NUMA1: variants seen among roughly 807,000 people sequenced by gnomAD.
The protein encoded by NUMA1 is nuclear mitotic apparatus protein 1, also known as SP-H antigen.
NUMA1 carries 62 observed loss-of-function variants against 237.1 expected under a neutral mutation model. That is an observed-to-expected ratio of 0.26 (90% CI 0.21 to 0.32). NUMA1 has a LOEUF of 0.32. Among genes scored for constraint, NUMA1 ranks in the 10% least tolerant of loss-of-function variants. The probability of loss-of-function intolerance (pLI) is 1.00; values close to 1 mark genes in which losing one functional copy is unlikely to be tolerated. For synonymous variants in NUMA1, 1,028 were observed against 1,066.1 expected (o/e 0.96, Z 0.70); for missense variants, 2,533 against 2,666.5 (o/e 0.95, Z 1.10).
At chr11:72,019,041 C>A in intron 9 of NUMA1, 61 bp from the exon 10 acceptor site, 1 of 1,586,286 alleles carries the variant, frequency 6.3e-7, no homozygotes, top group Non-Finnish European at 8.6e-7. Flanking sequence ...CAATCAGCAA[C>A]AGGCAGCAGT....
chr11:72,073,434 T>G (rs889742409), intron 1 of NUMA1, among the ~76,000 whole-genome samples: 5 of 152,086 alleles, frequency 3.3e-5, no homozygotes, highest in African/African-American at 1.2e-4. Flanking sequence ...GCTGCATTAG[T>G]AGAAGATGAC....
intron 16 of NUMA1, among the ~76,000 whole-genome samples, chr11:72,011,209 A>G (rs186100541): frequency 8.6e-4 from 131 of 152,220 alleles, no homozygotes; most frequent in Admixed American, 2.6e-3. Flanking sequence ...TGCAGCCGCA[A>G]CCTTCCCAGG....
chr11:72,003,901 G>A lies in NUMA1; in HGVS notation c.6322C>T (p.Arg2108Ter), dbSNP rs558707315. 1.5e-4 allele frequency: 238 copies of A among 1,613,670 alleles called. 1 individual carries two copies. The South Asian group carries it at 2.3e-3, about 15-fold the overall frequency. ...AGTGCCTCTACCTTGCCCTTGGCTC[G>A]AGGGGTGGCACCAATGGCGGCAGCA... ...ATAAAIGATP[R>*]AKGKAKH Residue 2108 changes from arginine (R) to a stop codon, truncating the protein, a stop_gained, in exon 26 of 27, where the codon CGA (arginine) becomes TGA (stop). Transcript: ENST00000393695. LOFTEE classifies it high-confidence loss of function.
At chr11:72,024,656 C>A in intron 4 of NUMA1, 1 of 382,418 alleles carries the variant, frequency 2.6e-6, no homozygotes, top group Non-Finnish European at 4.9e-6. Context: ...ACGGAGGCAG[C>A]ACAGATGAAC....
intron 2 of NUMA1, among the ~76,000 whole-genome samples, chr11:72,056,708 G>A (rs974053954): frequency 2.8e-5 from 4 of 145,220 alleles, no homozygotes; most frequent in African/African-American, 5.1e-5. Flanking sequence ...AGTTGGATGC[G>A]TCACATTTTT....
intron 2 of NUMA1, chr11:72,049,560 A>AAATATATATATATATATATAT (rs1555034474): frequency 7.1e-4 from 29 of 41,006 alleles, no homozygotes; most frequent in African/African-American, 2.4e-3. Context: ...AAATAATAAT[A>AAATATATATATATATATATAT]ATATATATAT....
intron 10 of NUMA1, 65 bp from the exon 11 acceptor site, chr11:72,018,578 A>G (rs1938253325): frequency 7.1e-7 from 1 of 1,410,118 alleles, no homozygotes; most frequent in African/African-American, 1.4e-5. Flanking sequence ...AACTATGTGC[A>G]CAGAACTATG....
chr11:72,037,978 T>G (rs1353142503), intron 2 of NUMA1, among the ~76,000 whole-genome samples: 4 of 152,180 alleles, frequency 2.6e-5, no homozygotes, highest in Non-Finnish European at 4.4e-5. Context: ...CTGACAAGAC[T>G]AAAGCTCGAG....
At chr11:72,025,678 C>T (rs1939489010) in intron 4 of NUMA1, among the ~76,000 whole-genome samples, 2 of 152,204 alleles carry the variant, frequency 1.3e-5, no homozygotes, top group African/African-American at 2.4e-5. Context: ...AGGCCCAGAA[C>T]CTTCCAATGC....
chr11:72,045,567 C>A (rs1306060084), intron 2 of NUMA1, among the ~76,000 whole-genome samples: 1 of 152,198 alleles, frequency 6.6e-6, no homozygotes, highest in Non-Finnish European at 1.5e-5. Flanking sequence ...CAGCCTCAGC[C>A]TCCTGGGCTC....
chr11:72,042,081 CT>C (rs1271342485), intron 2 of NUMA1: 2 of 152,314 alleles, frequency 1.3e-5, no homozygotes, highest in Admixed American at 6.5e-5. Context: ...GGCTGCAGCC[CT>C]TAACAGACGC....
At chr11:72,012,215 G>A (rs1956203910) in intron 16 of NUMA1, 186 bp downstream of exon 16, 1 of 587,806 alleles carries the variant, frequency 1.7e-6, no homozygotes, top group Non-Finnish European at 3.0e-6. Context: ...TGGGTGGGAT[G>A]AGGCCTGAGA....
At chr11:72,061,562 T>G (rs1430252765) in intron 2 of NUMA1, among the ~76,000 whole-genome samples, 2 of 144,142 alleles carry the variant, frequency 1.4e-5, no homozygotes, top group Non-Finnish European at 3.0e-5. Context: ...ACAATCACAG[T>G]TTACCACAGC....
intron 2 of NUMA1, 58 bp from the exon 3 acceptor site, chr11:72,036,033 A>C: frequency 7.5e-7 from 1 of 1,341,600 alleles, no homozygotes; most frequent in Non-Finnish European, 1.1e-6. Flanking sequence ...ATGATCAAGA[A>C]ATAAAGGCGA....
In NUMA1 at chr11:72,018,845, G is replaced by A. The variant is rs1458495373; in HGVS notation, c.720C>T (p.Asn240=). 6.2e-7 allele frequency: 1 copy of A among 1,611,374 alleles called. No homozygotes were observed. Residue 240 remains asparagine (N), a synonymous_variant, in exon 10 of 27, where the codon AAC becomes AAT. Transcript: ENST00000393695. ...RDELELELAE[N]RKLLTEKDAQ... Reference sequence around the variant, plus strand: ...TACCCTTCTCGGTGAGGAGCTTGCGGTTCTCAGCTAGCTCCAGCTCCAGCT... The same window carrying A: ...TACCCTTCTCGGTGAGGAGCTTGCGATTCTCAGCTAGCTCCAGCTCCAGCT...
chr11:72,041,147 A>G (rs1396839311), intron 2 of NUMA1: 1 of 152,146 alleles, frequency 6.6e-6, no homozygotes, highest in East Asian at 1.9e-4. Flanking sequence ...CGTCACAGCC[A>G]GGAGTCTGCT....
At chr11:72,047,894 A>G (rs573762372) in intron 2 of NUMA1, 1 of 152,204 alleles carries the variant, frequency 6.6e-6, no homozygotes, top group South Asian at 2.1e-4. Flanking sequence ...ACTCTTCACA[A>G]ATTTGCATGT....
chr11:72,015,321 C>T lies in NUMA1; in HGVS notation c.2182G>A (p.Ala728Thr), dbSNP rs1324985878. The change falls in exon 15 of 27, where the codon GCC becomes ACC. Residue 728 changes from alanine to threonine, a missense_variant. Physicochemically the swap from Ala to Thr is moderately conservative, Grantham distance 58. Around this residue, in one of 3 missense-constraint regions of NUMA1, gnomAD observed 1,414 missense variants for 1,508.1 expected, o/e 0.94. Transcript: ENST00000393695. This position sits in a 1 kb window ranked among gnomAD's most constrained non-coding sequence, Gnocchi z 4.0. ...LEEEKRRAAD[A>T]LEEQQRCISE... ...ATACAACGCTGCTGCTCTTCCAGGG[C>T]ATCTGCAGCCCTGCGCTTCTCCTCT... is the stretch of plus-strand genomic sequence containing the variant. 1 of 1,613,546 alleles carries T rather than the reference C, an allele frequency of 6.2e-7. No individual in the cohort carries two copies. The highest frequency in any genetic ancestry group is 2.2e-5 in the East Asian group (1 of 44,890).
intron 2 of NUMA1, among the ~76,000 whole-genome samples, chr11:72,054,263 C>T (rs1330186302): frequency 6.6e-6 from 1 of 151,822 alleles, no homozygotes; most frequent in African/African-American, 2.4e-5. Context: ...GCCAGGAGTT[C>T]GAGACCAGCC....
Sources: gnomAD v4.1 joint callset for allele counts (sites outside exome capture counted in the v4.1 genomes callset) on GRCh38, gnomAD v4.1.1 for gene constraint, gnomAD v4.1.1 regional missense constraint, Gnocchi (gnomAD v3.1) non-coding constraint, MANE v1.5 for transcripts, NCBI Gene and HGNC (gene_info 2026-07-23, HGNC 2026-07-21) for gene names.